The following CPED1 variants were observed in gnomAD, a reference collection of about 807,000 sequenced individuals.
CPED1 encodes cadherin like and PC-esterase domain containing 1, also known as cadherin-like and PC-esterase domain-containing protein 1.
In CPED1, 114 loss-of-function variants were observed where a neutral mutation model predicts 128.2. The observed-to-expected ratio is 0.89, with a 90% CI of 0.76 to 1.04. The LOEUF (loss-of-function observed/expected upper bound fraction) is 1.04. CPED1 is among the 50% of genes least tolerant of loss of function. The pLI is 0.00. For synonymous variants in CPED1, 462 were observed against 426.7 expected (o/e 1.08, Z -1.02); for missense variants, 1,211 against 1,207.1 (o/e 1.00, Z -0.05).
chr7:121,260,223 G>GTTTTTTTTTTTTTTTTTTTTT (rs59370305), intron 18 of CPED1, among the ~76,000 whole-genome samples: 4 of 69,982 alleles, frequency 5.7e-5, no homozygotes, highest in South Asian at 7.8e-4. Flanking sequence ...CTTGCTTCGC[G>GTTTTTTTTTTTTTTTTTTTTT]TTTTTTTTTT....
At chr7:121,006,161 GGCTGAATT>G (rs1254924903) in intron 2 of CPED1, among the ~76,000 whole-genome samples, 2 of 152,112 alleles carry the variant, frequency 1.3e-5, no homozygotes, top group Non-Finnish European at 2.9e-5. Context: ...ACTATTTTAA[GGCTGAATT>G]GCTGAATTAA....
chr7:121,140,832 A>G lies in CPED1; in HGVS notation c.1705A>G (p.Asn569Asp), dbSNP rs1795885054. The G allele has an allele frequency of 1.2e-6, 2 of 1,609,190 alleles. No homozygotes were observed. The highest frequency in any genetic ancestry group is 2.2e-5 in the East Asian group (1 of 44,768). Residue 569 changes from asparagine (N) to aspartate (D), a missense_variant, in exon 15 of 23, where the codon AAC (asparagine) becomes GAC (aspartate). Coordinates refer to ENST00000310396, the MANE Select transcript of CPED1 (RefSeq NM_024913.5). ...NKEIHCSDDE[N>D]TPCHIKQIFT... Reference sequence around the variant, plus strand: ...TGTTTTTGTTTTTTTAACAGATGAAAACACACCATGTCATATCAAGCAGAT... The same window carrying G: ...TGTTTTTGTTTTTTTAACAGATGAAGACACACCATGTCATATCAAGCAGAT...
chr7:121,001,561 TTTC>T (rs1791859574), intron 2 of CPED1, among the ~76,000 whole-genome samples: 1 of 152,138 alleles, frequency 6.6e-6, no homozygotes, highest in Non-Finnish European at 1.5e-5. Flanking sequence ...GGTCATAATA[TTTC>T]TTATTTCTTT....
intron 18 of CPED1, among the ~76,000 whole-genome samples, chr7:121,248,638 C>A (rs956353304): frequency 6.0e-5 from 9 of 148,998 alleles, no homozygotes; most frequent in Admixed American, 2.0e-4. Context: ...ATAAAGATGC[C>A]GTACAGAGCC....
intron 7 of CPED1, among the ~76,000 whole-genome samples, chr7:121,106,144 C>T (rs1794970280): frequency 6.6e-6 from 1 of 151,928 alleles, no homozygotes; most frequent in Non-Finnish European, 1.5e-5. Flanking sequence ...TAAAAACTGC[C>T]ATTTGGGGAA....
chr7:121,159,138 G>A (rs925629609), intron 16 of CPED1, among the ~76,000 whole-genome samples: 1 of 152,034 alleles, frequency 6.6e-6, no homozygotes, highest in Non-Finnish European at 1.5e-5. Context: ...AATGCCCCTA[G>A]TGAGTATGTT....
intron 16 of CPED1, among the ~76,000 whole-genome samples, chr7:121,191,900 A>G (rs1353408086): frequency 2.0e-5 from 3 of 152,156 alleles, no homozygotes; most frequent in Non-Finnish European, 2.9e-5. Context: ...CATTTTAATC[A>G]AAGTGTTGTT....
At chr7:121,244,455 T>A (rs1365440082) in intron 18 of CPED1, 117 bp downstream of exon 18, 4 of 1,015,592 alleles carry the variant, frequency 3.9e-6, no homozygotes, top group Non-Finnish European at 5.9e-6. Context: ...GAAAACTAAC[T>A]GAATGCAATA....
At chr7:121,185,004 T>C (rs1018992900) in intron 16 of CPED1, among the ~76,000 whole-genome samples, 1 of 152,110 alleles carries the variant, frequency 6.6e-6, no homozygotes, top group Admixed American at 6.6e-5. Context: ...CTCACTCTTT[T>C]CTATGGTTAA....
intron 22 of CPED1, among the ~76,000 whole-genome samples, chr7:121,290,326 A>G (rs1252584155): frequency 1.3e-5 from 2 of 152,192 alleles, no homozygotes; most frequent in East Asian, 3.8e-4. Flanking sequence ...ATACCCAGTA[A>G]TGGGATTGCT....
intron 16 of CPED1, among the ~76,000 whole-genome samples, chr7:121,164,447 G>A (rs1796477955): frequency 6.6e-6 from 1 of 152,160 alleles, no homozygotes; most frequent in South Asian, 2.1e-4. Context: ...CCTCATCCTA[G>A]TGATTCTCAA....
At chr7:121,088,429 G>A (rs1204546919) in intron 5 of CPED1, among the ~76,000 whole-genome samples, 2 of 152,066 alleles carry the variant, frequency 1.3e-5, no homozygotes, top group African/African-American at 4.8e-5. Flanking sequence ...GGAGGCTGAG[G>A]TGGGCAGATC....
intron 16 of CPED1, among the ~76,000 whole-genome samples, chr7:121,203,601 T>A (rs1424459032): frequency 3.3e-5 from 5 of 152,018 alleles, no homozygotes; most frequent in African/African-American, 1.2e-4. Context: ...TCAGTGTAGT[T>A]GAGCAGCAAG....
At chr7:121,143,758 A>G (rs1402976711) in intron 16 of CPED1, among the ~76,000 whole-genome samples, 1 of 151,996 alleles carries the variant, frequency 6.6e-6, no homozygotes, top group Non-Finnish European at 1.5e-5. Flanking sequence ...GAACTTTGGC[A>G]GTATCCACTA....
intron 7 of CPED1, among the ~76,000 whole-genome samples, chr7:121,104,029 G>T (rs1794913171): frequency 6.6e-6 from 1 of 151,994 alleles, no homozygotes; most frequent in African/African-American, 2.4e-5. Context: ...AAAAATTTTA[G>T]TGTTAGATGT....
At chr7:121,206,419 A>G (rs1158217288) in intron 16 of CPED1, among the ~76,000 whole-genome samples, 2 of 149,314 alleles carry the variant, frequency 1.3e-5, no homozygotes. Flanking sequence ...TCTTTACTAA[A>G]ATCTATTAAC....
chr7:121,195,575 A>G (rs1797253451), intron 16 of CPED1, among the ~76,000 whole-genome samples: 1 of 152,176 alleles, frequency 6.6e-6, no homozygotes, highest in Admixed American at 6.5e-5. Context: ...AGAAAAGTTT[A>G]GATAAGTCAT....
At chr7:121,072,752 A>G (rs1240979044) in intron 5 of CPED1, among the ~76,000 whole-genome samples, 1 of 152,208 alleles carries the variant, frequency 6.6e-6, no homozygotes, top group Non-Finnish European at 1.5e-5. Context: ...ATTTGAGCAT[A>G]TTGGTTTTAA....
At chr7:121,185,859 C>G (rs1012036376) in intron 16 of CPED1, among the ~76,000 whole-genome samples, 2 of 152,168 alleles carry the variant, frequency 1.3e-5, no homozygotes, top group African/African-American at 4.8e-5. Flanking sequence ...ATCCATAAGT[C>G]TCATTCCAGT....
Sources: allele counts gnomAD v4.1 joint callset (sites outside exome capture counted in the v4.1 genomes callset), GRCh38; gene constraint gnomAD v4.1.1; transcripts MANE v1.5; gene names NCBI Gene and HGNC (gene_info 2026-07-23, HGNC 2026-07-21).